The following PRKCH variants were observed in gnomAD, a reference collection of about 807,000 sequenced individuals.
PRKCH encodes the protein protein kinase C eta type.
Under a neutral mutation model 82.5 loss-of-function variants are expected in PRKCH, and 28 were observed. The ratio of observed to expected loss-of-function variants is 0.34; its 90% CI spans 0.25 to 0.47. The LOEUF (loss-of-function observed/expected upper bound fraction) is 0.47. Ranked by LOEUF, PRKCH falls within the 20% of genes least tolerant of loss-of-function variation. The pLI is 1.00. For synonymous variants in PRKCH, 322 were observed against 327.4 expected, an observed-to-expected ratio of 0.98 and a Z score of 0.18; for missense variants, 705 against 881.8, an observed-to-expected ratio of 0.80 and a Z score of 2.54.
chr14:61,486,628 T>C (rs1033553504), intron 10 of PRKCH, among the ~76,000 whole-genome samples: 1 of 152,192 alleles, frequency 6.6e-6, no homozygotes, highest in African/African-American at 2.4e-5. Context: ...CCTCACCTAA[T>C]TGCACATATG....
At chr14:61,483,825 A>G (rs1025937656) in intron 9 of PRKCH, among the ~76,000 whole-genome samples, 1 of 152,146 alleles carries the variant, frequency 6.6e-6, no homozygotes, top group Non-Finnish European at 1.5e-5. Context: ...AGGTGGGAGT[A>G]TTGCTTGAGC....
intron 10 of PRKCH, among the ~76,000 whole-genome samples, chr14:61,490,483 C>T (rs1372268026): frequency 6.6e-6 from 1 of 152,178 alleles, no homozygotes; most frequent in Non-Finnish European, 1.5e-5. Context: ...TCTTGTTTCT[C>T]AAGAATCATG....
Position 61,209,112 on chromosome 14 carries a change from C to G in PRKCH, c.-19+21444C>G, listed in dbSNP as rs1039003021. Among the ~76,000 whole-genome samples the G allele has an allele frequency of 3.2e-4, 49 of 152,104 alleles. 1 individual carries two copies. The highest frequency in any genetic ancestry group is 7.2e-4 in the Admixed American group (11 of 15,272). ...GGTTTGTTATAAAACCCTCCTCTTG[C>G]TCTCTCATGCTCTCTTGCCCTTCCA... is the stretch of plus-strand genomic sequence containing the variant. On this transcript the variant is annotated intron_variant, in intron 1 of 3. Transcript: ENST00000555185.
At position 61,295,350 on chromosome 14, in the gene PRKCH, C is replaced by T. The variant is rs56245509; in HGVS notation, c.-19+107682C>T. ...CAGATTGCCATGTTGCACAGAATTA[C>T]TGGAAAAGATTTTTAAAAACATCTC... On this transcript the variant is annotated intron_variant, in intron 1 of 3. Transcript: ENST00000555185. Among the ~76,000 whole-genome samples, 841 of 152,252 alleles carry T rather than the reference C, an allele frequency of 5.5e-3. 12 individuals are homozygous for T. Among genetic ancestry groups the T allele is most frequent in the Middle Eastern group, 0.01 (3 of 294 alleles).
intron 10 of PRKCH, among the ~76,000 whole-genome samples, chr14:61,528,314 C>T (rs2042997226): frequency 6.6e-6 from 1 of 152,112 alleles, no homozygotes; most frequent in African/African-American, 2.4e-5. Context: ...CCACCTCAGC[C>T]TCCCAAGTAT....
At position 61,370,867 on chromosome 14, in the gene PRKCH, A is replaced by G. The variant is rs529964613; in HGVS notation, c.364-20358A>G. On this transcript the variant is annotated intron_variant, in intron 1 of 13. Transcript: ENST00000332981. ...GGTCTTCTCCAGGGGTGTGGATAAC[A>G]CCAAACACTGCAGTATGGAAACTAG... 8.5e-5 allele frequency among the ~76,000 whole-genome samples: 13 copies of G among 152,142 alleles called. No homozygotes were observed. In the South Asian group the frequency reaches 2.7e-3, roughly 31 times the overall value.
intron 12 of PRKCH, among the ~76,000 whole-genome samples, chr14:61,546,012 G>A (rs187184552): frequency 4.6e-5 from 7 of 152,324 alleles, no homozygotes; most frequent in Middle Eastern, 3.4e-3. Flanking sequence ...GTGTTCTGCC[G>A]TCCTGTCTCC....
chr14:61,460,549 C>G (rs903802654), intron 9 of PRKCH, among the ~76,000 whole-genome samples: 1 of 152,162 alleles, frequency 6.6e-6, no homozygotes, highest in African/African-American at 2.4e-5. Flanking sequence ...TTATTTAATC[C>G]TTATAGTAAC....
intron 1 of PRKCH, among the ~76,000 whole-genome samples, chr14:61,368,559 T>C (rs1421890564): frequency 6.6e-6 from 1 of 152,122 alleles, no homozygotes; most frequent in African/African-American, 2.4e-5. Flanking sequence ...GCAGACTTCA[T>C]GCTGTGTGCC....
chr14:61,266,890 A>G (rs7155265), intron 1 of PRKCH, among the ~76,000 whole-genome samples: 9,760 of 152,126 alleles, frequency 0.064, 875 homozygotes, highest in African/African-American at 0.2. Flanking sequence ...GGGTGATGGG[A>G]AACAAGAAAC....
chr14:61,213,696 A>G (rs539979000), intron 1 of PRKCH, among the ~76,000 whole-genome samples: 34 of 152,186 alleles, frequency 2.2e-4, no homozygotes, highest in Non-Finnish European at 4.6e-4. Context: ...CTGAACCCCA[A>G]CTGTCTACAG....
At chr14:61,489,719 G>T (rs1345738681) in intron 10 of PRKCH, among the ~76,000 whole-genome samples, 1 of 152,228 alleles carries the variant, frequency 6.6e-6, no homozygotes, top group Non-Finnish European at 1.5e-5. Flanking sequence ...TTGGCCGATT[G>T]GAAGGCCAGA....
At chr14:61,472,110 G>A (rs547804707) in intron 9 of PRKCH, among the ~76,000 whole-genome samples, 6 of 152,238 alleles carry the variant, frequency 3.9e-5, no homozygotes, top group South Asian at 4.1e-4. Context: ...AGCGTGCAGC[G>A]TCTGTTTAAT....
At chr14:61,352,524 C>T (rs1053065675) in intron 1 of PRKCH, among the ~76,000 whole-genome samples, 5 of 151,740 alleles carry the variant, frequency 3.3e-5, no homozygotes, top group East Asian at 1.9e-4. Context: ...ATTAGCTGGG[C>T]GTGGTGGTGT....
At chr14:61,267,453 C>A (rs546188249) in intron 1 of PRKCH, among the ~76,000 whole-genome samples, 1 of 152,162 alleles carries the variant, frequency 6.6e-6, no homozygotes, top group East Asian at 1.9e-4. Context: ...GGGCTTCAGA[C>A]GAACTACATG....
At chr14:61,379,927 G>A (rs181905399) in intron 1 of PRKCH, among the ~76,000 whole-genome samples, 3 of 152,272 alleles carry the variant, frequency 2.0e-5, no homozygotes, top group Admixed American at 6.5e-5. Flanking sequence ...GGGGACACAC[G>A]GTGTGGAGGG....
rs181859256 is a variant in PRKCH at position 61,242,318 on chromosome 14, C to A, written c.-19+54650C>A. ...GACATCAGTTTGGAACACCCAAAGCCTAGTACATTTTAAGAAAACTCTTCT... is the reference window on the plus strand; with the variant it reads ...GACATCAGTTTGGAACACCCAAAGCATAGTACATTTTAAGAAAACTCTTCT... On this transcript the variant is annotated intron_variant, in intron 1 of 3. Transcript: ENST00000555185. 5.0e-3 allele frequency among the ~76,000 whole-genome samples: 759 copies of A among 152,272 alleles called. 2 individuals carry two copies. Among genetic ancestry groups the A allele is most frequent in the Non-Finnish European group, 6.6e-3 (450 of 68,028 alleles).
At chr14:61,327,387 A>G (rs565073332) in intron 1 of PRKCH, among the ~76,000 whole-genome samples, 1 of 152,308 alleles carries the variant, frequency 6.6e-6, no homozygotes, top group African/African-American at 2.4e-5. Flanking sequence ...TTCTGAGCCA[A>G]TTGGAAGGAA....
intron 2 of PRKCH, among the ~76,000 whole-genome samples, chr14:61,433,553 C>A (rs1055673103): frequency 6.6e-6 from 1 of 152,116 alleles, no homozygotes; most frequent in South Asian, 2.1e-4. Flanking sequence ...GTAGAGAGAA[C>A]AGTCCCTGAG....
Sources: allele counts gnomAD v4.1 joint callset (sites outside exome capture counted in the v4.1 genomes callset), GRCh38; gene constraint gnomAD v4.1.1; transcripts MANE v1.5; gene names NCBI Gene and HGNC (gene_info 2026-07-23, HGNC 2026-07-21).